The following SHISA9 variants were observed in gnomAD, a reference collection of about 807,000 sequenced individuals.
SHISA9 encodes protein shisa-9.
SHISA9 carries 13 observed loss-of-function variants against 38.0 expected under a neutral mutation model. That is an observed-to-expected ratio of 0.34 (90% confidence interval 0.22 to 0.54). The LOEUF is 0.54. Ranked by LOEUF, SHISA9 falls within the 20% of genes least tolerant of loss-of-function variation. SHISA9 has a pLI of 0.91. For missense variants in SHISA9, 538 were observed against 575.8 expected, an observed-to-expected ratio of 0.93 and a Z score of 0.67; for synonymous variants, 275 against 242.0, an observed-to-expected ratio of 1.14 and a Z score of -1.27.
the SHISA9 span, among the ~76,000 whole-genome samples, chr16:13,499,163 A>G: frequency 6.6e-6 from 1 of 152,230 alleles, no homozygotes; most frequent in African/African-American, 2.4e-5. Flanking sequence ...GTAACCAATC[A>G]GTAACTAAGT....
At position 13,208,433 on chromosome 16, in the gene SHISA9, C is replaced by CTTTTTCT. The variant is rs1555471418; in HGVS notation, c.848-4815_848-4814insCTTTTTT. Among the ~76,000 whole-genome samples the CTTTTTCT allele has an allele frequency of 1.5e-3, 183 of 119,874 alleles. 1 individual carries two copies. Among genetic ancestry groups the CTTTTTCT allele is most frequent in the African/African-American group, 5.9e-3 (177 of 30,178 alleles). The allele number at this position is 119,874 out of a possible 152,430, so 78.6% of individuals were successfully genotyped here. ...AAGAGACCTCTTTTCCTTTCTTTTT[C>CTTTTTCT]TTTTTTTTTCTTTTTTTTTTTTTTT... On this transcript the variant is annotated intron_variant, in intron 3 of 4. Transcript: ENST00000558583.
chr16:13,190,689 T>C (rs2142040765), intron 2 of SHISA9, among the ~76,000 whole-genome samples: 1 of 152,298 alleles, frequency 6.6e-6, no homozygotes, highest in African/African-American at 2.4e-5. Context: ...CTGTTATCTA[T>C]TTGCAGCACA....
intron 2 of SHISA9, among the ~76,000 whole-genome samples, chr16:13,050,353 A>T (rs2073236531): frequency 6.6e-6 from 1 of 152,124 alleles, no homozygotes; most frequent in South Asian, 2.1e-4. Context: ...GATGAAATTA[A>T]ATGGGTCTGG....
At chr16:13,225,374 G>C (rs2051268973) in intron 4 of SHISA9, among the ~76,000 whole-genome samples, 1 of 152,220 alleles carries the variant, frequency 6.6e-6, no homozygotes, top group South Asian at 2.1e-4. Flanking sequence ...AACACACACT[G>C]TGATGTGTTC....
the SHISA9 span, among the ~76,000 whole-genome samples, chr16:13,333,599 G>C: frequency 6.6e-6 from 1 of 152,072 alleles, no homozygotes; most frequent in African/African-American, 2.4e-5. Flanking sequence ...GTTTTCGAAG[G>C]GATAAATTGT....
chr16:12,980,487 C>T (rs963260933), intron 2 of SHISA9, among the ~76,000 whole-genome samples: 28 of 151,570 alleles, frequency 1.8e-4, no homozygotes, highest in South Asian at 4.2e-4. Context: ...TTTAAAAATT[C>T]GATGTGCTCT....
At chr16:13,004,420 G>C (rs1331745393) in intron 2 of SHISA9, among the ~76,000 whole-genome samples, 1 of 152,192 alleles carries the variant, frequency 6.6e-6, no homozygotes, top group Non-Finnish European at 1.5e-5. Context: ...ATCGGTTCAT[G>C]CTCTCTTTTT....
At chr16:13,070,123 C>CGTGTGTGT (rs55824636) in intron 2 of SHISA9, among the ~76,000 whole-genome samples, 25 of 145,722 alleles carry the variant, frequency 1.7e-4, no homozygotes, top group Admixed American at 1.0e-3. Flanking sequence ...CTTTAAAGTA[C>CGTGTGTGT]GTGTGTGTGT....
intron 2 of SHISA9, among the ~76,000 whole-genome samples, chr16:13,139,520 A>G (rs1175197983): frequency 6.9e-6 from 1 of 144,546 alleles, no homozygotes; most frequent in Non-Finnish European, 1.5e-5. Context: ...CCTTTACTTT[A>G]TCGGTAAAGT....
rs2071567260 is a variant in SHISA9 at position 12,938,666 on chromosome 16, T to A, written c.691+21851T>A. Among the ~76,000 whole-genome samples, 3 of 150,676 alleles carry A rather than the reference T, an allele frequency of 2.0e-5. No individual in the cohort carries two copies. In the South Asian group the frequency reaches 6.3e-4, roughly 32 times the overall value. ...GCACCTGCCACCACGCCCAGCTAATTTTTTTTTTGTATTTTTAGTAGAGAG... is the reference window on the plus strand; with the variant it reads ...GCACCTGCCACCACGCCCAGCTAATATTTTTTTTGTATTTTTAGTAGAGAG... On this transcript the variant is annotated intron_variant, in intron 2 of 4. Transcript: ENST00000558583.
intron 2 of SHISA9, among the ~76,000 whole-genome samples, chr16:13,044,367 C>T (rs2073164357): frequency 6.6e-6 from 1 of 152,222 alleles, no homozygotes; most frequent in African/African-American, 2.4e-5. Context: ...CTTACTTGTT[C>T]TCTGACCTTG....
chr16:13,025,069 A>G (rs1596593848), intron 2 of SHISA9, among the ~76,000 whole-genome samples: 1 of 151,838 alleles, frequency 6.6e-6, no homozygotes, highest in East Asian at 1.9e-4. Context: ...TTCCTCTTGG[A>G]TTTTTTTCTG....
chr16:12,903,428 T>C (rs2071049018), intron 1 of SHISA9, among the ~76,000 whole-genome samples: 1 of 152,240 alleles, frequency 6.6e-6, no homozygotes, highest in Non-Finnish European at 1.5e-5. Flanking sequence ...TTTGCCTTGT[T>C]CATTATGCAA....
chr16:12,911,503 A>G (rs2071183357), intron 1 of SHISA9: 7 of 517,414 alleles, frequency 1.4e-5, no homozygotes, highest in Non-Finnish European at 1.7e-5. Flanking sequence ...GAAATTTCAA[A>G]CCAAGCTTGA....
chr16:13,202,065 C>T (rs1173054770), intron 2 of SHISA9, among the ~76,000 whole-genome samples: 1 of 111,984 alleles, frequency 8.9e-6, no homozygotes, highest in Non-Finnish European at 1.9e-5. Context: ...AGACAGGAGG[C>T]GAGACCCATT....
the SHISA9 span, among the ~76,000 whole-genome samples, chr16:13,296,424 AG>A: frequency 2.0e-4 from 30 of 151,788 alleles, no homozygotes; most frequent in East Asian, 1.9e-3. Flanking sequence ...AACAGCACGC[AG>A]GGGGGAAAAA....
At chr16:13,528,306 T>G in the SHISA9 span, among the ~76,000 whole-genome samples, 4 of 152,028 alleles carry the variant, frequency 2.6e-5, no homozygotes, top group Admixed American at 6.6e-5. Flanking sequence ...TCCACACTTC[T>G]GACTCCCTGC....
At chr16:13,071,114 CACA>C (rs145478351) in intron 2 of SHISA9, among the ~76,000 whole-genome samples, 2,462 of 152,190 alleles carry the variant, frequency 0.016, 72 homozygotes, top group African/African-American at 0.056. Context: ...GTGATGTTTG[CACA>C]ACAATGTGAA....
chr16:13,204,133 A>AT (rs1273357552), intron 3 of SHISA9, among the ~76,000 whole-genome samples: 13 of 118,100 alleles, frequency 1.1e-4, no homozygotes, highest in Admixed American at 2.8e-4. Flanking sequence ...CTAACTACCT[A>AT]TTATCTATCT....
Sources: allele counts gnomAD v4.1 joint callset (sites outside exome capture counted in the v4.1 genomes callset), GRCh38; gene constraint gnomAD v4.1.1; transcripts MANE v1.5; gene names NCBI Gene and HGNC (gene_info 2026-07-23, HGNC 2026-07-21).